CWF19L2: variants seen among roughly 807,000 people sequenced by gnomAD.
CWF19L2 encodes the protein CWF19-like protein 2.
In CWF19L2, 98 loss-of-function variants were observed where a neutral mutation model predicts 111.7. The observed-to-expected ratio is 0.88, with a 90% CI of 0.75 to 1.04. CWF19L2 has a LOEUF of 1.04. Among genes scored for constraint, CWF19L2 ranks in the 50% least tolerant of loss-of-function variants. The probability of loss-of-function intolerance (pLI) is 0.00; values close to 1 mark genes in which losing one functional copy is unlikely to be tolerated. For synonymous variants in CWF19L2, 351 were observed against 342.9 expected (o/e 1.02, Z -0.26); for missense variants, 1,101 against 1,051.4 (o/e 1.05, Z -0.65).
At chr11:107,359,418 G>T (rs1209197671) in intron 12 of CWF19L2, among the ~76,000 whole-genome samples, 1 of 152,178 alleles carries the variant, frequency 6.6e-6, no homozygotes, top group Non-Finnish European at 1.5e-5. Context: ...CCCTTGTAGG[G>T]CTGGGCTATG....
chr11:107,352,684 A>G (rs1860173886), intron 13 of CWF19L2, among the ~76,000 whole-genome samples: 1 of 106,682 alleles, frequency 9.4e-6, no homozygotes, highest in South Asian at 2.5e-4. Context: ...TGTTAAGTAT[A>G]AAGGAAAAGA....
At chr11:107,422,066 T>A (rs960187026) in intron 8 of CWF19L2, among the ~76,000 whole-genome samples, 2 of 151,986 alleles carry the variant, frequency 1.3e-5, no homozygotes, top group East Asian at 3.9e-4. Flanking sequence ...ACAACATAAA[T>A]GAAGCTCACA....
In CWF19L2 at chr11:107,428,351, T is replaced by C. The variant is rs906024963; in HGVS notation, c.1433+448A>G. 4.6e-5 allele frequency among the ~76,000 whole-genome samples: 7 copies of C among 152,146 alleles called. No homozygotes were observed. In the East Asian group the frequency reaches 1.3e-3, roughly 29 times the overall value. On this transcript the variant is annotated intron_variant, in intron 8 of 17. Transcript: ENST00000282251. ...CTCTGCAAGATCTCTGGCATGTATT[T>C]GTCACTTTATATTTGGGCCGTGGCA...
At chr11:107,415,676 C>A (rs1307583158) in intron 10 of CWF19L2, among the ~76,000 whole-genome samples, 5 of 152,068 alleles carry the variant, frequency 3.3e-5, no homozygotes, top group African/African-American at 9.7e-5. Flanking sequence ...GGTCTCAGCC[C>A]GAGGCTTTTT....
intron 10 of CWF19L2, among the ~76,000 whole-genome samples, chr11:107,413,282 C>T (rs1021923508): frequency 4.6e-5 from 7 of 152,042 alleles, no homozygotes; most frequent in Admixed American, 2.6e-4. Flanking sequence ...GAATGTAGCA[C>T]TGCTCTAAAA....
chr11:107,396,505 A>G (rs1860924283), intron 10 of CWF19L2, among the ~76,000 whole-genome samples: 1 of 152,228 alleles, frequency 6.6e-6, no homozygotes, highest in East Asian at 1.9e-4. Context: ...GAAAGGAGAA[A>G]ACAAAACACT....
intron 12 of CWF19L2, among the ~76,000 whole-genome samples, chr11:107,359,181 C>G (rs2134553152): frequency 6.6e-6 from 1 of 152,160 alleles, no homozygotes; most frequent in East Asian, 1.9e-4. Context: ...AACACTGAGC[C>G]CGATAGGATA....
intron 14 of CWF19L2, among the ~76,000 whole-genome samples, chr11:107,344,123 G>T (rs1212069676): frequency 6.6e-6 from 1 of 152,160 alleles, no homozygotes; most frequent in Non-Finnish European, 1.5e-5. Context: ...TGAGGCACAA[G>T]AATCGATTGA....
intron 12 of CWF19L2, among the ~76,000 whole-genome samples, chr11:107,354,052 T>A (rs1860199397): frequency 6.6e-6 from 1 of 152,090 alleles, no homozygotes; most frequent in African/African-American, 2.4e-5. Context: ...CAGAGAGGTT[T>A]AAATTGTAAC....
At chr11:107,403,972 T>C in intron 10 of CWF19L2, 1 of 866,942 alleles carries the variant, frequency 1.2e-6, no homozygotes, top group Non-Finnish European at 2.0e-6. Context: ...TTGCGACAAC[T>C]GACCGAACGT....
chr11:107,446,227 TATTA>T (rs1861700503), intron 3 of CWF19L2, among the ~76,000 whole-genome samples: 1 of 152,248 alleles, frequency 6.6e-6, no homozygotes, highest in Admixed American at 6.5e-5. Context: ...TACAAGGCCC[TATTA>T]ATTCTTACAG....
intron 12 of CWF19L2, among the ~76,000 whole-genome samples, chr11:107,359,228 G>A (rs376790209): frequency 2.0e-4 from 30 of 152,122 alleles, no homozygotes; most frequent in Non-Finnish European, 2.9e-5. Context: ...ACAACAGGCC[G>A]CTTCCATCCT....
At chr11:107,436,753 G>C (rs111408016) in intron 6 of CWF19L2, among the ~76,000 whole-genome samples, 65 of 152,140 alleles carry the variant, frequency 4.3e-4, no homozygotes, top group Non-Finnish European at 7.8e-4. Flanking sequence ...TTCCACTAAA[G>C]AATCTAGAGT....
chr11:107,448,786 C>G (rs1861737663), intron 3 of CWF19L2, among the ~76,000 whole-genome samples: 2 of 152,100 alleles, frequency 1.3e-5, no homozygotes, highest in East Asian at 3.9e-4. Context: ...AGTGAGAAGA[C>G]AGCCATCTCT....
intron 8 of CWF19L2, among the ~76,000 whole-genome samples, chr11:107,425,217 A>ACACAC (rs1861358425): frequency 8.6e-6 from 1 of 116,480 alleles, no homozygotes; most frequent in Non-Finnish European, 1.8e-5. Flanking sequence ...CACACACACA[A>ACACAC]AGAGGTTGAA....
intron 11 of CWF19L2, among the ~76,000 whole-genome samples, chr11:107,391,737 CA>C (rs1202695309): frequency 2.0e-5 from 3 of 152,150 alleles, no homozygotes; most frequent in African/African-American, 7.2e-5. Context: ...ATCTTTGGAA[CA>C]GGGGTGCAAC....
chr11:107,456,570 C>T (rs1861858544), intron 1 of CWF19L2, among the ~76,000 whole-genome samples: 1 of 145,224 alleles, frequency 6.9e-6, no homozygotes, highest in South Asian at 2.2e-4. Context: ...TAGTCATTTT[C>T]TTTTTTTTTT....
intron 6 of CWF19L2, among the ~76,000 whole-genome samples, chr11:107,433,989 A>C (rs575644165): frequency 4.0e-5 from 6 of 149,284 alleles, no homozygotes; most frequent in African/African-American, 1.5e-4. Context: ...TAAAACTATA[A>C]GAAAATTGCA....
At chr11:107,429,537 G>T in intron 7 of CWF19L2, 86 bp from the exon 8 acceptor site, 1 of 1,048,820 alleles carries the variant, frequency 9.5e-7, no homozygotes, top group Non-Finnish European at 1.3e-6. Context: ...ATGACTCACT[G>T]CCAAGTGGCA....
Sources: allele counts gnomAD v4.1 joint callset (sites outside exome capture counted in the v4.1 genomes callset), GRCh38; gene constraint gnomAD v4.1.1; transcripts MANE v1.5; gene names NCBI Gene and HGNC (gene_info 2026-07-23, HGNC 2026-07-21).